ANGPTL5: variants seen among roughly 807,000 people sequenced by gnomAD.
ANGPTL5 encodes angiopoietin like 5, also known as angiopoietin-related protein 5.
A neutral mutation model predicts 39.4 loss-of-function variants in ANGPTL5; 34 were observed. That is an observed-to-expected ratio of 0.86 (90% CI 0.66 to 1.15). ANGPTL5 has a LOEUF of 1.15. ANGPTL5 is among the 50% of genes most tolerant of loss of function. ANGPTL5 has a pLI of 0.00. For missense variants in ANGPTL5, 467 were observed against 457.5 expected (o/e 1.02, Z -0.19); for synonymous variants, 146 against 152.1 (o/e 0.96, Z 0.29).
chr11:101,891,859 A>G (rs1939703721), intron 8 of ANGPTL5, among the ~76,000 whole-genome samples: 1 of 152,192 alleles, frequency 6.6e-6, no homozygotes, highest in Non-Finnish European at 1.5e-5. Context: ...TGTGTAGACA[A>G]AACCAGATAA....
intron 7 of ANGPTL5, among the ~76,000 whole-genome samples, chr11:101,896,891 A>G (rs1292299544): frequency 1.3e-5 from 2 of 152,226 alleles, no homozygotes; most frequent in Non-Finnish European, 2.9e-5. Context: ...TTGCTGGGTC[A>G]AATGGTATTT....
Position 101,904,804 on chromosome 11 carries a change from A to G in ANGPTL5, c.439+10T>C. 6.2e-7 allele frequency: 1 copy of G among 1,607,998 alleles called. No individual in the cohort carries two copies. The highest frequency in any genetic ancestry group is 8.5e-7 in the Non-Finnish European group (1 of 1,174,510). On this transcript the variant is annotated intron_variant, in intron 5 of 8. Coordinates refer to ENST00000334289, the MANE Select transcript of ANGPTL5 (RefSeq NM_178127.5). ...CAAACATGAAAAGGCTGAAATACCA[A>G]AGTTCTCACCATGTGACTGAACAGG...
Position 101,890,703 on chromosome 11 carries a change from C to T in ANGPTL5, c.*576G>A, listed in dbSNP as rs554329555. Reference sequence around the variant, plus strand: ...GATATAAAAGTACATATATTTATTACAAACAATAACAAAATAGTTAACCAT... The same window carrying T: ...GATATAAAAGTACATATATTTATTATAAACAATAACAAAATAGTTAACCAT... On this transcript the variant is annotated 3_prime_UTR_variant, in exon 9 of 9. Coordinates refer to ENST00000334289, the MANE Select transcript of ANGPTL5 (RefSeq NM_178127.5). 1 of 152,296 alleles carries T rather than the reference C, an allele frequency of 6.6e-6. No individual in the cohort carries two copies. The highest frequency in any genetic ancestry group is 1.5e-5 in the Non-Finnish European group (1 of 68,162). 9.4% of individuals were successfully genotyped at this position (152,296 alleles called of 1,614,324 possible).
intron 1 of ANGPTL5, among the ~76,000 whole-genome samples, chr11:101,912,903 G>A (rs1054296365): frequency 6.6e-6 from 1 of 152,192 alleles, no homozygotes. Flanking sequence ...GTGGCAGTAA[G>A]ATATCAAATT....
rs1365318268 is a variant in ANGPTL5 at position 101,915,350 on chromosome 11, C to T, written c.-93+669G>A. The stretch of plus-strand genomic sequence containing the variant: ...AACTGGGCACTGAATCATCGGACAA[C>T]CTCGACAGAGCCCCCCTCGGCCCTC... On this transcript the variant is annotated intron_variant, in intron 1 of 8. Transcript: ENST00000334289. 3.1e-6 allele frequency: 5 copies of T among 1,613,882 alleles called. No homozygotes were observed. In the East Asian group the frequency reaches 8.9e-5, roughly 29 times the overall value.
chr11:101,913,689 T>C (rs986009271), intron 1 of ANGPTL5, among the ~76,000 whole-genome samples: 4 of 152,176 alleles, frequency 2.6e-5, no homozygotes, highest in African/African-American at 7.2e-5. Context: ...ACTAATAATA[T>C]AGCAAAAGCT....
Position 101,891,539 on chromosome 11 carries a change from A to G in ANGPTL5, c.907T>C (p.Ser303Pro), listed in dbSNP as rs113858530. 2.7e-4 allele frequency: 438 copies of G among 1,614,042 alleles called. 1 individual carries two copies. The African/African-American group carries it at 4.9e-3, about 18-fold the overall frequency. ...CGACACCCATCATTATCAACATCTG[A>G]TGTGCTAAAAGGCATTGCATTTTGA... ...DNQNAMPFSTSDVDNDGCRPA... is the reference protein window; with the variant it reads ...DNQNAMPFSTPDVDNDGCRPA... The change falls in exon 9 of 9, where the codon TCA (serine) becomes CCA (proline). Residue 303 changes from serine (S) to proline (P), a missense_variant. Ser to Pro is a moderately conservative substitution (Grantham distance 74). Coordinates refer to ENST00000334289, the MANE Select transcript of ANGPTL5 (RefSeq NM_178127.5).
intron 1 of ANGPTL5, among the ~76,000 whole-genome samples, chr11:101,909,256 C>A (rs1940051422): frequency 6.6e-6 from 1 of 152,204 alleles, no homozygotes; most frequent in African/African-American, 2.4e-5. Context: ...TTATTTGTGG[C>A]AATCACTTTC....
intron 8 of ANGPTL5, among the ~76,000 whole-genome samples, chr11:101,894,145 G>C (rs1259018675): frequency 6.6e-6 from 1 of 152,112 alleles, no homozygotes; most frequent in Non-Finnish European, 1.5e-5. Flanking sequence ...TCAGTATTCT[G>C]TATTTCCAGT....
chr11:101,904,688 C>T, intron 5 of ANGPTL5, 126 bp downstream of exon 5: 1 of 817,296 alleles, frequency 1.2e-6, no homozygotes, highest in Non-Finnish European at 2.0e-6. Context: ...GGTATTAGCC[C>T]TCCAGTCTGT....
chr11:101,895,101 A>G (rs758701676), intron 7 of ANGPTL5, 37 bp from the exon 8 acceptor site: 1 of 1,386,560 alleles, frequency 7.2e-7, no homozygotes, highest in Admixed American at 2.1e-5. Flanking sequence ...ATATTTTAAT[A>G]CAAATTAGAA....
rs1939692303 is a variant in ANGPTL5 at position 101,891,430 on chromosome 11, C to A, written c.1016G>T (p.Gly339Val). 3 of 1,614,074 alleles carry A rather than the reference C, an allele frequency of 1.9e-6. No homozygotes were observed. ...NKTGWWFNEC[G>V]LANLNGIHHF... is the part of the protein sequence containing the mutation. ...ATGAATGCCATTTAGATTTGCTAGACCACACTCGTTAAACCACCAGCCGGT... is the reference window on the plus strand; with the variant it reads ...ATGAATGCCATTTAGATTTGCTAGAACACACTCGTTAAACCACCAGCCGGT... Residue 339 changes from glycine (G) to valine (V), a missense_variant, in exon 9 of 9, where the codon GGT becomes GTT. Physicochemically the swap from Gly to Val is moderately radical, Grantham distance 109. Coordinates refer to ENST00000334289, the MANE Select transcript of ANGPTL5 (RefSeq NM_178127.5).
chr11:101,900,307 T>A (rs1255866052), intron 7 of ANGPTL5, 123 bp downstream of exon 7: 1 of 967,906 alleles, frequency 1.0e-6, no homozygotes, highest in African/African-American at 1.6e-5. Flanking sequence ...GAGGGTGATT[T>A]AAGTTATATT....
At chr11:101,906,107 T>C (rs551953634) in intron 3 of ANGPTL5, among the ~76,000 whole-genome samples, 8 of 152,242 alleles carry the variant, frequency 5.3e-5, no homozygotes, top group Non-Finnish European at 7.4e-5. Context: ...AATTAATCTG[T>C]TATCATTAAG....
At chr11:101,892,763 G>T (rs1346515198) in intron 8 of ANGPTL5, among the ~76,000 whole-genome samples, 1 of 152,220 alleles carries the variant, frequency 6.6e-6, no homozygotes, top group Non-Finnish European at 1.5e-5. Context: ...TATGCAATCT[G>T]TGGAGAAACC....
intron 8 of ANGPTL5, 25 bp downstream of exon 8, chr11:101,894,854 A>G (rs1345318830): frequency 6.3e-7 from 1 of 1,575,568 alleles, no homozygotes; most frequent in Non-Finnish European, 8.7e-7. Flanking sequence ...GATCTGGATA[A>G]TTTTAGGAAT....
chr11:101,903,182 A>G (rs1939937498), intron 5 of ANGPTL5, among the ~76,000 whole-genome samples: 1 of 152,134 alleles, frequency 6.6e-6, no homozygotes, highest in Non-Finnish European at 1.5e-5. Flanking sequence ...TCAGAGACTG[A>G]TGTGTTTGGG....
chr11:101,903,038 C>T (rs994437166), intron 5 of ANGPTL5, among the ~76,000 whole-genome samples: 9 of 151,936 alleles, frequency 5.9e-5, no homozygotes, highest in East Asian at 5.8e-4. Context: ...ATAAATAATG[C>T]CATTTCAGAA....
chr11:101,915,033 G>A (rs1940167437), intron 1 of ANGPTL5: 1 of 432,952 alleles, frequency 2.3e-6, no homozygotes, highest in Admixed American at 3.8e-5. Flanking sequence ...TTGTCAAGAT[G>A]GCGGCTGCAG....
Sources: allele counts gnomAD v4.1 joint callset (sites outside exome capture counted in the v4.1 genomes callset), GRCh38; gene constraint gnomAD v4.1.1; transcripts MANE v1.5; gene names NCBI Gene and HGNC (gene_info 2026-07-23, HGNC 2026-07-21).